Variants in CCDC141 observed in about 807,000 individuals in gnomAD.
CCDC141 encodes coiled-coil domain containing 141, also known as coiled-coil domain-containing protein 141.
Under a neutral mutation model 181.0 loss-of-function variants are expected in CCDC141, and 168 were observed. The observed-to-expected ratio is 0.93, with a 90% confidence interval of 0.82 to 1.05. The LOEUF (loss-of-function observed/expected upper bound fraction) is 1.05. CCDC141 is among the 50% of genes least tolerant of loss of function. The pLI is 0.00. For missense variants in CCDC141, 1,902 were observed against 1,788.5 expected (o/e 1.06, Z -1.14); for synonymous variants, 666 against 642.3 (o/e 1.04, Z -0.56).
chr2:178,893,962 T>C (rs1687288088), intron 8 of CCDC141, among the ~76,000 whole-genome samples: 1 of 152,160 alleles, frequency 6.6e-6, no homozygotes, highest in Non-Finnish European at 1.5e-5. Context: ...AAGTTCCATT[T>C]CTATGAGGCC....
intron 2 of CCDC141, among the ~76,000 whole-genome samples, chr2:179,041,799 G>C (rs1029061009): frequency 1.3e-5 from 2 of 151,912 alleles, no homozygotes; most frequent in Non-Finnish European, 2.9e-5. Flanking sequence ...AACCAACAAA[G>C]ACTAAAAAAG....
chr2:179,015,485 A>ATCTCATATATGTGCCATATATATC (rs142380302), intron 2 of CCDC141, among the ~76,000 whole-genome samples: 54 of 87,230 alleles, frequency 6.2e-4, no homozygotes, highest in African/African-American at 1.6e-3. Context: ...TGCCATATAT[A>ATCTCATATATGTGCCATATATATC]TCATATATGT....
intron 14 of CCDC141, 34 bp from the exon 15 acceptor site, chr2:178,869,339 A>G (rs779379591): frequency 2.0e-6 from 3 of 1,521,128 alleles, no homozygotes; most frequent in East Asian, 2.3e-5. Context: ...AAATCTTGCT[A>G]TTAAAGAACT....
chr2:178,908,605 T>C (rs1282007671), intron 7 of CCDC141, among the ~76,000 whole-genome samples: 2 of 152,186 alleles, frequency 1.3e-5, no homozygotes, highest in African/African-American at 4.8e-5. Context: ...GTGCATGTAG[T>C]AACACATATT....
At chr2:178,870,640 T>C (rs1471300304) in intron 14 of CCDC141, among the ~76,000 whole-genome samples, 1 of 152,130 alleles carries the variant, frequency 6.6e-6, no homozygotes. Flanking sequence ...TGGTTATACT[T>C]ACATCGGTTT....
At chr2:178,820,524 T>A in the CCDC141 span, among the ~76,000 whole-genome samples, 1 of 152,192 alleles carries the variant, frequency 6.6e-6, no homozygotes, top group African/African-American at 2.4e-5. Context: ...CATTTAAAAA[T>A]ATTTTTATTG....
chr2:178,975,633 G>T (rs1396258476), intron 3 of CCDC141, among the ~76,000 whole-genome samples: 3 of 152,064 alleles, frequency 2.0e-5, no homozygotes, highest in Admixed American at 6.6e-5. Context: ...TAGAGAGAAG[G>T]TAGAAGTATA....
At chr2:179,014,746 C>T (rs1207395267) in intron 2 of CCDC141, among the ~76,000 whole-genome samples, 3 of 151,952 alleles carry the variant, frequency 2.0e-5, no homozygotes, top group African/African-American at 4.8e-5. Flanking sequence ...GCAAGAATGG[C>T]CATTATCAAA....
chr2:178,962,772 A>G (rs1690465107), intron 4 of CCDC141, among the ~76,000 whole-genome samples: 1 of 152,100 alleles, frequency 6.6e-6, no homozygotes. Context: ...TATGTCTGAC[A>G]TGGTCTAGTC....
At chr2:178,897,890 G>A (rs777393412) in intron 8 of CCDC141, among the ~76,000 whole-genome samples, 1 of 152,118 alleles carries the variant, frequency 6.6e-6, no homozygotes, top group Non-Finnish European at 1.5e-5. Context: ...ACAGATTCCT[G>A]TGTCTTAATA....
chr2:178,930,296 T>G (rs1296816543), intron 6 of CCDC141, among the ~76,000 whole-genome samples: 1 of 152,024 alleles, frequency 6.6e-6, no homozygotes, highest in Admixed American at 6.6e-5. Context: ...AAAACATTGT[T>G]AAAAAATGAA....
downstream of CCDC141, among the ~76,000 whole-genome samples, chr2:178,829,166 T>C (rs1684172158): frequency 6.6e-6 from 1 of 152,258 alleles, no homozygotes. Context: ...GGTTAAAATA[T>C]ATTTTGATTT....
chr2:178,855,294 A>G, intron 19 of CCDC141, 53 bp downstream of exon 19: 1 of 1,492,992 alleles, frequency 6.7e-7, no homozygotes, highest in Non-Finnish European at 9.1e-7. Flanking sequence ...AAGTTGCAAA[A>G]TGATTTTTGA....
In CCDC141 at chr2:178,837,432, C is replaced by T. The variant is rs1212530049; in HGVS notation, c.3787G>A (p.Glu1263Lys). The change falls in exon 23 of 24, where the codon GAA (glutamate) becomes AAA (lysine). Residue 1263 changes from glutamate (E) to lysine (K), a missense_variant. Coordinates refer to ENST00000443758, the MANE Select transcript of CCDC141 (RefSeq NM_173648.4). The stretch of plus-strand genomic sequence containing the variant: ...GCAACAGGTGGTGGAAGAACAGATT[C>T]CTGGGCATCCCCTGGGCTGCTGGTC... ...AGTSSPGDAQ[E>K]SVLPPPVAFA... 6.2e-7 allele frequency: 1 copy of T among 1,614,098 alleles called. No homozygotes were observed. Among genetic ancestry groups the T allele is most frequent in the South Asian group, 1.1e-5 (1 of 91,078 alleles).
intron 2 of CCDC141, among the ~76,000 whole-genome samples, chr2:178,999,552 C>T (rs1021554410): frequency 1.3e-5 from 2 of 152,078 alleles, no homozygotes; most frequent in African/African-American, 4.8e-5. Flanking sequence ...TTCCATGCTG[C>T]CAATTGATTT....
At chr2:178,863,564 C>T (rs1010682038) in intron 17 of CCDC141, among the ~76,000 whole-genome samples, 2 of 152,150 alleles carry the variant, frequency 1.3e-5, no homozygotes, top group African/African-American at 4.8e-5. Context: ...TCTGTTTGGG[C>T]TCTGCTGTTC....
intron 16 of CCDC141, among the ~76,000 whole-genome samples, chr2:178,867,282 T>C (rs1171603941): frequency 6.6e-6 from 1 of 152,162 alleles, no homozygotes; most frequent in African/African-American, 2.4e-5. Flanking sequence ...AGATCTGCAA[T>C]GCTAAAACAG....
chr2:178,841,585 C>G (rs572522266), intron 22 of CCDC141, among the ~76,000 whole-genome samples: 1 of 152,260 alleles, frequency 6.6e-6, no homozygotes, highest in African/African-American at 2.4e-5. Flanking sequence ...ATTAAAAATG[C>G]AAATAAGATT....
chr2:179,034,293 T>C (rs1412923681), intron 2 of CCDC141, among the ~76,000 whole-genome samples: 2 of 152,080 alleles, frequency 1.3e-5, no homozygotes, highest in Non-Finnish European at 2.9e-5. Context: ...AGCTACATGA[T>C]GACAGATGGA....
Sources: allele counts gnomAD v4.1 joint callset (sites outside exome capture counted in the v4.1 genomes callset), GRCh38; gene constraint gnomAD v4.1.1; transcripts MANE v1.5; gene names NCBI Gene and HGNC (gene_info 2026-07-23, HGNC 2026-07-21).